EIF4E: variants seen among roughly 807,000 people sequenced by gnomAD.
The protein encoded by EIF4E is eIF-4F 25 kDa subunit.
For synonymous variants in EIF4E, 71 were observed against 88.5 expected, an observed-to-expected ratio of 0.80 and a Z score of 1.11; for missense variants, 113 against 265.6, an observed-to-expected ratio of 0.43 and a Z score of 3.99.
chr4:98,914,361 CAAAAAAAAAAAAAA>C (rs1159581783), intron 1 of EIF4E, among the ~76,000 whole-genome samples: 22 of 34,836 alleles, frequency 6.3e-4, no homozygotes, highest in Admixed American at 1.6e-3. Context: ...GACTCCGTCT[CAAAAAAAAAAAAAA>C]AAAAAAAAAA....
intron 1 of EIF4E, among the ~76,000 whole-genome samples, chr4:98,919,557 T>C (rs996495756): frequency 1.3e-5 from 2 of 149,546 alleles, no homozygotes; most frequent in African/African-American, 4.9e-5. Flanking sequence ...AGATTCTTTT[T>C]CTTTTTTTTT....
At chr4:98,915,545 CTT>C (rs879404692) in intron 1 of EIF4E, among the ~76,000 whole-genome samples, 3 of 144,374 alleles carry the variant, frequency 2.1e-5, no homozygotes, top group Admixed American at 6.9e-5. Flanking sequence ...TTGTAAATTA[CTT>C]TTTTTTTTTT....
At chr4:98,894,852 C>T (rs12643506) in intron 2 of EIF4E, among the ~76,000 whole-genome samples, 6 of 152,186 alleles carry the variant, frequency 3.9e-5, no homozygotes, top group Admixed American at 6.5e-5. Context: ...ATGTCTTCCT[C>T]GTAAGCGTAA....
chr4:98,917,999 G>A (rs182648665), intron 1 of EIF4E, among the ~76,000 whole-genome samples: 4 of 152,028 alleles, frequency 2.6e-5, no homozygotes, highest in African/African-American at 4.8e-5. Flanking sequence ...TCGCTTGAAC[G>A]TGGGAGGCGG....
intron 5 of EIF4E, among the ~76,000 whole-genome samples, chr4:98,885,654 G>A (rs1460960283): frequency 6.6e-6 from 1 of 152,140 alleles, no homozygotes; most frequent in East Asian, 1.9e-4. Context: ...GTTTTGCCAT[G>A]TTGCCCAAAC....
At chr4:98,912,883 G>A (rs1429721405) in intron 1 of EIF4E, among the ~76,000 whole-genome samples, 1 of 152,096 alleles carries the variant, frequency 6.6e-6, no homozygotes, top group African/African-American at 2.4e-5. Flanking sequence ...ACATGTCACA[G>A]TTCAAACAAA....
In EIF4E at chr4:98,887,016, ATATCT is replaced by A; in HGVS notation, c.399+58_399+62del. 2.0e-6 allele frequency: 3 copies of A among 1,476,100 alleles called. No homozygotes were observed. Among genetic ancestry groups the A allele is most frequent in the South Asian group, 2.3e-5 (2 of 88,162 alleles). The allele number at this position is 1,476,100 out of a possible 1,614,324, so 91.4% of individuals were successfully genotyped here. A position where few individuals can be genotyped will look rare whatever the true frequency, so the allele number is the denominator to read the frequency against. ...TTAAGTAACAAATGTAAAACATAACATATCTTAAGTATCAGTATTCCAAAACTACC... is the reference window on the plus strand; with the variant it reads ...TTAAGTAACAAATGTAAAACATAACATAAGTATCAGTATTCCAAAACTACC... On this transcript the variant is annotated intron_variant, in intron 5 of 6. Coordinates refer to ENST00000450253, the MANE Select transcript of EIF4E (RefSeq NM_001968.5). The surrounding 1 kb of genome is among the most constrained non-coding windows in gnomAD (Gnocchi z 4.0).
chr4:98,922,519 G>C (rs997592179), intron 1 of EIF4E, among the ~76,000 whole-genome samples: 1 of 149,134 alleles, frequency 6.7e-6, no homozygotes, highest in Middle Eastern at 3.4e-3. Context: ...TCGCGCCACT[G>C]TACTCTAGCT....
chr4:98,919,064 T>C (rs1232894292), intron 1 of EIF4E, among the ~76,000 whole-genome samples: 1 of 152,058 alleles, frequency 6.6e-6, no homozygotes, highest in African/African-American at 2.4e-5. Flanking sequence ...ATCCCAGCAC[T>C]TTGGGAGGCT....
At chr4:98,902,843 A>G (rs1724707872) in intron 1 of EIF4E, among the ~76,000 whole-genome samples, 1 of 151,828 alleles carries the variant, frequency 6.6e-6, no homozygotes, top group African/African-American at 2.4e-5. Flanking sequence ...CTGTCTCAAA[A>G]ACAAACAAAA....
At chr4:98,901,460 C>T (rs1724646334) in intron 2 of EIF4E, among the ~76,000 whole-genome samples, 3 of 152,046 alleles carry the variant, frequency 2.0e-5, no homozygotes, top group Non-Finnish European at 4.4e-5. Flanking sequence ...CCGCCTCCGC[C>T]TCCGCCTCCT....
intron 2 of EIF4E, among the ~76,000 whole-genome samples, chr4:98,896,361 G>C (rs957923668): frequency 6.6e-6 from 1 of 151,484 alleles, no homozygotes; most frequent in African/African-American, 2.4e-5. Flanking sequence ...GATAGAGCAA[G>C]ACCCTGTCAA....
At chr4:98,890,997 T>G in intron 3 of EIF4E, 1 of 557,522 alleles carries the variant, frequency 1.8e-6, no homozygotes, top group Non-Finnish European at 3.2e-6. Context: ...AATAATGGAT[T>G]CTTGAGCTAA....
At chr4:98,915,558 TGA>T (rs1725342062) in intron 1 of EIF4E, among the ~76,000 whole-genome samples, 1 of 151,530 alleles carries the variant, frequency 6.6e-6, no homozygotes, top group African/African-American at 2.4e-5. Flanking sequence ...TTTTTTTTTT[TGA>T]GACAGAGTCT....
chr4:98,906,661 T>C (rs547097453), intron 1 of EIF4E, among the ~76,000 whole-genome samples: 7 of 152,238 alleles, frequency 4.6e-5, no homozygotes, highest in Admixed American at 2.0e-4. Context: ...CGGTGAGCTA[T>C]GATAGCACCA....
At position 98,891,340 on chromosome 4, in the gene EIF4E, TAAA is replaced by T. The variant is rs1560636534; in HGVS notation, c.126-11_126-9del. On this transcript the variant is annotated splice_polypyrimidine_tract_variant and intron_variant, in intron 2 of 6. Transcript: ENST00000450253. ...AAAAACCAGAGTGCCCATCTAAAAA[TAAA>T]AAATCAGTGTCAAAAAATGGTAGCT... 2 of 1,609,596 alleles carry T rather than the reference TAAA, an allele frequency of 1.2e-6. No homozygotes were observed. Among genetic ancestry groups the T allele is most frequent in the Admixed American group, 3.4e-5 (2 of 59,634 alleles).
Position 98,901,999 on chromosome 4 carries a change from TAAAAC to T in EIF4E, c.19-22_19-18del. ...GGTGGTTTCCTAGTGGAAAATAATATAAAACATTATTTTAAATGTCTTAACACATC... is the reference window on the plus strand; with the variant it reads ...GGTGGTTTCCTAGTGGAAAATAATATATTATTTTAAATGTCTTAACACATC... On this transcript the variant is annotated intron_variant, in intron 1 of 6. Transcript: ENST00000450253. 1 of 1,590,156 alleles carries T rather than the reference TAAAAC, an allele frequency of 6.3e-7. No individual in the cohort carries two copies. The highest frequency in any genetic ancestry group is 8.6e-7 in the Non-Finnish European group (1 of 1,158,520).
intron 1 of EIF4E, among the ~76,000 whole-genome samples, chr4:98,911,299 C>A (rs565717249): frequency 6.6e-6 from 1 of 150,940 alleles, no homozygotes; most frequent in Non-Finnish European, 1.5e-5. Context: ...TCACCCGCCT[C>A]GGCCTCCCAA....
intron 1 of EIF4E, chr4:98,928,834 TCCGCAGGAGGCGCCACG>T: frequency 6.5e-7 from 1 of 1,528,952 alleles, no homozygotes; most frequent in Non-Finnish European, 8.8e-7. Context: ...ACCTCGCGGT[TCCGCAGGAGGCGCCACG>T]CCGCCCCTCC....
Sources: allele counts gnomAD v4.1 joint callset (sites outside exome capture counted in the v4.1 genomes callset), GRCh38; gene constraint gnomAD v4.1.1; non-coding constraint Gnocchi (gnomAD v3.1); transcripts MANE v1.5; gene names NCBI Gene and HGNC (gene_info 2026-07-23, HGNC 2026-07-21).